Variants in ILDR2 observed in about 807,000 individuals in gnomAD.
ILDR2 encodes the protein immunoglobulin like domain containing receptor 2.
In ILDR2, 25 loss-of-function variants were observed where a neutral mutation model predicts 66.8. The ratio of observed to expected loss-of-function variants is 0.37; its 90% confidence interval spans 0.27 to 0.52. ILDR2 has a LOEUF of 0.52. Among genes scored for constraint, ILDR2 ranks in the 20% least tolerant of loss-of-function variants. ILDR2 has a pLI of 0.88. For synonymous variants in ILDR2, 367 were observed against 357.2 expected (o/e 1.03, Z -0.31); for missense variants, 827 against 876.8 (o/e 0.94, Z 0.72).
In ILDR2 at chr1:166,920,700, G is replaced by T; in HGVS notation, c.1884+7C>A. On this transcript the variant is annotated splice_region_variant and intron_variant, in intron 9 of 9. Transcript: ENST00000271417. ...CCTCGGAGGAGGGGAGGCAGACGCAGTCTCACGGTTTTCTTGGCGGGCTCC... is the reference window on the plus strand; with the variant it reads ...CCTCGGAGGAGGGGAGGCAGACGCATTCTCACGGTTTTCTTGGCGGGCTCC... The T allele has an allele frequency of 1.4e-6, 2 of 1,395,302 alleles. No homozygotes were observed. Among genetic ancestry groups the T allele is most frequent in the South Asian group, 3.4e-5 (2 of 58,066 alleles). The allele number at this position is 1,395,302 out of a possible 1,614,324, so 86.4% of individuals were successfully genotyped here.
chr1:166,915,499 T>C lies in ILDR2; in HGVS notation c.*3856A>G, dbSNP rs1659608476. On this transcript the variant is annotated 3_prime_UTR_variant, in exon 10 of 10. Transcript: ENST00000271417. ...CAAAACAGGGTCCAACAATACCTTT[T>C]TAACAGCAGCTATCAAGTTAATTCT... is the stretch of plus-strand genomic sequence containing the variant. 1 of 152,246 alleles carries C rather than the reference T, an allele frequency of 6.6e-6. No individual in the cohort carries two copies. The highest frequency in any genetic ancestry group is 6.5e-5 in the Admixed American group (1 of 15,290). The allele number at this position is 152,246 out of a possible 1,614,324, so 9.4% of individuals were successfully genotyped here.
chr1:166,928,762 G>A (rs1381621508), intron 6 of ILDR2, among the ~76,000 whole-genome samples: 1 of 152,084 alleles, frequency 6.6e-6, no homozygotes, highest in Non-Finnish European at 1.5e-5. Flanking sequence ...CCATTTGCAG[G>A]TGCACCGATT....
At chr1:166,957,626 G>T in intron 2 of ILDR2, 143 bp downstream of exon 2, 1 of 697,876 alleles carries the variant, frequency 1.4e-6, no homozygotes, top group East Asian at 2.7e-5. Context: ...TAGGTCTCTT[G>T]ATGCTCCCAT....
At chr1:166,973,617 C>CCCCG (rs1206571558) in intron 1 of ILDR2, among the ~76,000 whole-genome samples, 1 of 109,494 alleles carries the variant, frequency 9.1e-6, no homozygotes, top group Non-Finnish European at 1.9e-5. Flanking sequence ...ACCCCTCCCC[C>CCCCG]CCCCCCCCGA....
In ILDR2 at chr1:166,920,717, G is replaced by A. The variant is rs367608937; in HGVS notation, c.1874C>T (p.Ala625Val). The part of the protein sequence containing the change: ...NSEKKRKKEP[A>V]KKTNDFPTRM... ...CAGACGCAGTCTCACGGTTTTCTTG[G>A]CGGGCTCCTTTTTCCTCTTCTTCTC... The change falls in exon 9 of 10, where the codon GCC becomes GTC. Residue 625 changes from alanine (A) to valine (V), a missense_variant. This residue lies in a region of ILDR2 where 390 missense variants were observed against 353.6 expected (regional missense o/e 1.10). Coordinates refer to ENST00000271417, the MANE Select transcript of ILDR2 (RefSeq NM_199351.3). The A allele has an allele frequency of 6.5e-5, 92 of 1,420,678 alleles. No homozygotes were observed. The highest frequency in any genetic ancestry group is 8.0e-5 in the Non-Finnish European group (87 of 1,083,266). 88.0% of individuals were successfully genotyped at this position (1,420,678 alleles called of 1,614,324 possible).
downstream of ILDR2, among the ~76,000 whole-genome samples, chr1:166,903,732 A>T (rs2101813845): frequency 6.6e-6 from 1 of 152,236 alleles, no homozygotes; most frequent in African/African-American, 2.4e-5. Flanking sequence ...TTCCTTGTTC[A>T]CTAATTTTGA....
At chr1:166,961,362 C>G (rs1571198880) in intron 1 of ILDR2, among the ~76,000 whole-genome samples, 1 of 152,280 alleles carries the variant, frequency 6.6e-6, no homozygotes, top group South Asian at 2.1e-4. Context: ...CCACTGGACT[C>G]TCTTAATCAA....
rs755629308 is a variant in ILDR2 at position 166,921,273 on chromosome 1, G to A, written c.1318C>T (p.Arg440Trp). ...LAAFADSYGQRPRRADGNSHE... is the reference protein window; with the variant it reads ...LAAFADSYGQWPRRADGNSHE... Reference sequence around the variant, plus strand: ...CTGTTGCCGTCTGCCCGGCGGGGCCGCTGGCCGTAGGAGTCAGCGAAGGCC... The same window carrying A: ...CTGTTGCCGTCTGCCCGGCGGGGCCACTGGCCGTAGGAGTCAGCGAAGGCC... The change falls in exon 9 of 10, where the codon CGG becomes TGG. Residue 440 changes from arginine (R) to tryptophan (W), a missense_variant. Arg to Trp is a moderately radical substitution (Grantham distance 101). Coordinates refer to ENST00000271417, the MANE Select transcript of ILDR2 (RefSeq NM_199351.3). The surrounding 1 kb of genome is among the most constrained non-coding windows in gnomAD (Gnocchi z 5.3). 37 of 1,599,134 alleles carry A rather than the reference G, an allele frequency of 2.3e-5. No individual in the cohort carries two copies. In the Admixed American group the frequency reaches 5.6e-4, roughly 24 times the overall value.
chr1:166,962,161 C>G (rs563207305), intron 1 of ILDR2, among the ~76,000 whole-genome samples: 9 of 152,322 alleles, frequency 5.9e-5, no homozygotes, highest in African/African-American at 1.7e-4. Flanking sequence ...ATCCAGTCCC[C>G]AAACTGCCCT....
intron 1 of ILDR2, among the ~76,000 whole-genome samples, chr1:166,969,328 G>A (rs768445218): frequency 2.0e-5 from 3 of 152,150 alleles, no homozygotes; most frequent in Admixed American, 1.3e-4. Flanking sequence ...TAGAGGAAGC[G>A]GCATGTTCTT....
intron 1 of ILDR2, among the ~76,000 whole-genome samples, chr1:166,962,531 T>G (rs1273974229): frequency 6.6e-6 from 1 of 152,150 alleles, no homozygotes; most frequent in East Asian, 1.9e-4. Context: ...ATACCTCTCA[T>G]GGGACCCACA....
intron 1 of ILDR2, among the ~76,000 whole-genome samples, chr1:166,961,960 A>G (rs1662645031): frequency 6.6e-6 from 1 of 152,218 alleles, no homozygotes; most frequent in Non-Finnish European, 1.5e-5. Flanking sequence ...ACACATGCAT[A>G]CACATGTATA....
chr1:166,909,107 C>G lies in ILDR2; in HGVS notation c.*10248G>C, dbSNP rs1040772203. 4 of 152,240 alleles carry G rather than the reference C, an allele frequency of 2.6e-5. No homozygotes were observed. The highest frequency in any genetic ancestry group is 9.6e-5 in the African/African-American group (4 of 41,456). The allele number at this position is 152,240 out of a possible 1,614,324, so 9.4% of individuals were successfully genotyped here. The stretch of plus-strand genomic sequence containing the variant: ...TTCCTGGTCATAAACAGACTTGCCA[C>G]ATCTCTGGCCACATGATTAGCTCAG... On this transcript the variant is annotated 3_prime_UTR_variant, in exon 10 of 10. Coordinates refer to ENST00000271417, the MANE Select transcript of ILDR2 (RefSeq NM_199351.3).
rs539837151 is a variant in ILDR2, at chr1:166,910,478, G to T, written c.*8877C>A. On this transcript the variant is annotated 3_prime_UTR_variant, in exon 10 of 10. Coordinates refer to ENST00000271417, the MANE Select transcript of ILDR2 (RefSeq NM_199351.3). The stretch of plus-strand genomic sequence containing the variant: ...AATAAGCTATATAAATTCATATGTA[G>T]CTTTTCCCTTAAGTAATGTGAGGCA... The T allele has an allele frequency of 1.3e-5, 2 of 152,188 alleles. No homozygotes were observed. The highest frequency in any genetic ancestry group is 4.1e-4 in the South Asian group (2 of 4,822). The allele number at this position is 152,188 out of a possible 1,614,324, so 9.4% of individuals were successfully genotyped here. A position where few individuals can be genotyped will look rare whatever the true frequency, so the allele number is the denominator to read the frequency against.
At chr1:166,922,571 A>T (rs775468943) in intron 8 of ILDR2, 22 bp downstream of exon 8, 31 of 1,606,042 alleles carry the variant, frequency 1.9e-5, no homozygotes, top group Non-Finnish European at 2.6e-5. Context: ...CACCGACCAG[A>T]CCTGCCCCTC....
At position 166,954,013 on chromosome 1, in the gene ILDR2, G is replaced by A. The variant is rs145882720; in HGVS notation, c.499+2720C>T. On this transcript the variant is annotated intron_variant, in intron 3 of 9. Coordinates refer to ENST00000271417, the MANE Select transcript of ILDR2 (RefSeq NM_199351.3). Reference sequence around the variant, plus strand: ...ATTCCATTTTATCTAGCCAGACAGAGTATGTTTCCATTCTCTCTTCTATAT... The same window carrying A: ...ATTCCATTTTATCTAGCCAGACAGAATATGTTTCCATTCTCTCTTCTATAT... 5.8e-3 allele frequency among the ~76,000 whole-genome samples: 889 copies of A among 152,234 alleles called. 4 individuals carry two copies. Among genetic ancestry groups the A allele is most frequent in the Middle Eastern group, 0.027 (8 of 294 alleles).
chr1:166,962,721 G>C (rs540390996), intron 1 of ILDR2, among the ~76,000 whole-genome samples: 1 of 152,048 alleles, frequency 6.6e-6, no homozygotes, highest in South Asian at 2.1e-4. Flanking sequence ...TTTTGTTTTC[G>C]TTTTTCAATT....
At chr1:166,962,164 AC>A (rs1284095069) in intron 1 of ILDR2, among the ~76,000 whole-genome samples, 8 of 152,048 alleles carry the variant, frequency 5.3e-5, no homozygotes, top group Non-Finnish European at 1.2e-4. Flanking sequence ...CAGTCCCCAA[AC>A]TGCCCTGACC....
rs1278837195 is a variant in ILDR2, at chr1:166,975,475, G to C, written c.-207C>G. The C allele has an allele frequency of 6.8e-6, 1 of 146,628 alleles. No homozygotes were observed. Among genetic ancestry groups the C allele is most frequent in the East Asian group, 2.0e-4 (1 of 5,044 alleles). 9.1% of individuals were successfully genotyped at this position (146,628 alleles called of 1,614,324 possible). A position where few individuals can be genotyped will look rare whatever the true frequency, so the allele number is the denominator to read the frequency against. ...TGAGCGCGCGCTGCCGCGGGCTTCCGGGGTCCGCGCAGCGCTCGGCGGCGC... is the reference window on the plus strand; with the variant it reads ...TGAGCGCGCGCTGCCGCGGGCTTCCCGGGTCCGCGCAGCGCTCGGCGGCGC... On this transcript the variant is annotated 5_prime_UTR_variant, in exon 1 of 10. Transcript: ENST00000271417.
Sources: gnomAD v4.1 joint callset for allele counts (sites outside exome capture counted in the v4.1 genomes callset) on GRCh38, gnomAD v4.1.1 for gene constraint, gnomAD v4.1.1 regional missense constraint, Gnocchi (gnomAD v3.1) non-coding constraint, MANE v1.5 for transcripts, NCBI Gene and HGNC (gene_info 2026-07-23, HGNC 2026-07-21) for gene names.